Variants in NEO1 observed in about 807,000 individuals in gnomAD.
The protein encoded by NEO1 is neogenin.
A neutral mutation model predicts 159.7 loss-of-function variants in NEO1; 63 were observed. The observed-to-expected ratio is 0.39, with a 90% CI of 0.32 to 0.49. NEO1 has a LOEUF of 0.49. Among genes scored for constraint, NEO1 ranks in the 20% least tolerant of loss-of-function variants. The probability of loss-of-function intolerance (pLI) is 0.85; values close to 1 mark genes in which losing one functional copy is unlikely to be tolerated. For missense variants in NEO1, 1,615 were observed against 1,831.0 expected (o/e 0.88, Z 2.15); for synonymous variants, 633 against 662.0 (o/e 0.96, Z 0.67).
intron 5 of NEO1, among the ~76,000 whole-genome samples, chr15:73,176,187 C>CA (rs1337647692): frequency 6.6e-6 from 1 of 152,054 alleles, no homozygotes; most frequent in Non-Finnish European, 1.5e-5. Context: ...ATCTTTAAAA[C>CA]AGTTAGTTGT....
rs958279602 is a variant in NEO1 at position 73,244,257 on chromosome 15, G to A, written c.1452-87G>A. On this transcript the variant is annotated intron_variant, in intron 8 of 28. Coordinates refer to ENST00000261908, the MANE Select transcript of NEO1 (RefSeq NM_002499.4). ...AGAGCTAATTTGACTTACACTGATA[G>A]ATTTTTATGTGGAGTGGAAAATGAA... 17 of 1,437,614 alleles carry A rather than the reference G, an allele frequency of 1.2e-5. No individual in the cohort carries two copies. The Admixed American group carries it at 2.8e-4, about 23-fold the overall frequency. 89.1% of individuals were successfully genotyped at this position (1,437,614 alleles called of 1,614,324 possible).
chr15:73,097,178 C>G (rs1162860154), intron 1 of NEO1, among the ~76,000 whole-genome samples: 1 of 152,090 alleles, frequency 6.6e-6, no homozygotes, highest in Non-Finnish European at 1.5e-5. Context: ...TGGCTAAATT[C>G]TTAGGACTGA....
At chr15:73,242,289 A>G (rs577224304) in intron 8 of NEO1, among the ~76,000 whole-genome samples, 12 of 152,334 alleles carry the variant, frequency 7.9e-5, no homozygotes, top group African/African-American at 2.9e-4. Flanking sequence ...TAACATCAAC[A>G]GTCTGTTAGT....
rs183715453 is a variant in NEO1 at position 73,078,638 on chromosome 15, C to T, written c.130+25833C>T. On this transcript the variant is annotated intron_variant, in intron 1 of 28. Transcript: ENST00000261908. The stretch of plus-strand genomic sequence containing the variant: ...GTGGCACGGGCAACCGTTGGTTGCA[C>T]AGATACAGTAGATGCTCTATGTTTC... 2.0e-4 allele frequency among the ~76,000 whole-genome samples: 30 copies of T among 152,330 alleles called. 1 individual carries two copies. The East Asian group carries it at 5.0e-3, about 25-fold the overall frequency.
intron 27 of NEO1, among the ~76,000 whole-genome samples, chr15:73,300,725 C>A (rs1050618071): frequency 6.6e-6 from 1 of 151,688 alleles, no homozygotes; most frequent in African/African-American, 2.4e-5. Context: ...GGAGAGACTC[C>A]GTCTCAAAAA....
rs984291172 is a variant in NEO1, at chr15:73,304,039, C to T, written c.*1343C>T. ...GAGACAAGGCAGAGCTGCAGTGCCC[C>T]CTGAGGCTTCCACACATCTTTCTGA... is the stretch of plus-strand genomic sequence containing the variant. On this transcript the variant is annotated 3_prime_UTR_variant, in exon 29 of 29. Coordinates refer to ENST00000261908, the MANE Select transcript of NEO1 (RefSeq NM_002499.4). 7.2e-5 allele frequency: 11 copies of T among 152,246 alleles called. No homozygotes were observed. The highest frequency in any genetic ancestry group is 2.7e-4 in the African/African-American group (11 of 41,448). 9.4% of individuals were successfully genotyped at this position (152,246 alleles called of 1,614,324 possible).
At chr15:73,191,818 A>G (rs1183954373) in intron 7 of NEO1, among the ~76,000 whole-genome samples, 1 of 152,086 alleles carries the variant, frequency 6.6e-6, no homozygotes, top group African/African-American at 2.4e-5. Flanking sequence ...ATAAGAATAC[A>G]TAATTGACTG....
chr15:73,104,876 G>A (rs963288314), intron 1 of NEO1, among the ~76,000 whole-genome samples: 3 of 152,058 alleles, frequency 2.0e-5, no homozygotes, highest in African/African-American at 7.2e-5. Context: ...TAAACAACCA[G>A]GTCTCATGTA....
chr15:73,280,654 T>C (rs751524057), intron 22 of NEO1, among the ~76,000 whole-genome samples: 2 of 152,186 alleles, frequency 1.3e-5, no homozygotes, highest in Non-Finnish European at 2.9e-5. Flanking sequence ...ACCATGGTCT[T>C]TCCCAAATAT....
intron 7 of NEO1, among the ~76,000 whole-genome samples, chr15:73,223,856 T>C (rs878929641): frequency 6.6e-6 from 1 of 152,226 alleles, no homozygotes; most frequent in Admixed American, 6.5e-5. Context: ...TTTTGTTTTT[T>C]GTTTTTGCTT....
chr15:73,192,602 T>C (rs966000613), intron 7 of NEO1, among the ~76,000 whole-genome samples: 1 of 151,952 alleles, frequency 6.6e-6, no homozygotes, highest in Non-Finnish European at 1.5e-5. Context: ...AGTAACCTAA[T>C]TGATCCAACC....
chr15:73,113,573 A>G (rs368184612), intron 1 of NEO1, among the ~76,000 whole-genome samples: 27 of 152,310 alleles, frequency 1.8e-4, no homozygotes, highest in East Asian at 1.5e-3. Context: ...AAGGTAGTTC[A>G]CAGTTTCAAC....
intron 1 of NEO1, among the ~76,000 whole-genome samples, chr15:73,053,158 A>G (rs1030482287): frequency 4.6e-5 from 7 of 152,234 alleles, no homozygotes; most frequent in African/African-American, 1.7e-4. Context: ...AGAGGCCACT[A>G]CACACCTCAT....
chr15:73,159,481 T>C (rs774333755), intron 5 of NEO1, among the ~76,000 whole-genome samples: 1 of 152,200 alleles, frequency 6.6e-6, no homozygotes, highest in Non-Finnish European at 1.5e-5. Context: ...GAAGTCTTCC[T>C]ATACTGAGAC....
At chr15:73,157,393 G>A (rs2033859585) in intron 5 of NEO1, among the ~76,000 whole-genome samples, 1 of 152,226 alleles carries the variant, frequency 6.6e-6, no homozygotes, top group Non-Finnish European at 1.5e-5. Context: ...TACTGTAGCT[G>A]CCTATATCTG....
chr15:73,094,258 A>G (rs1369680268), intron 1 of NEO1, among the ~76,000 whole-genome samples: 2 of 152,148 alleles, frequency 1.3e-5, no homozygotes, highest in Non-Finnish European at 2.9e-5. Flanking sequence ...CCCCGGTCCT[A>G]GATAACACTC....
At chr15:73,235,901 C>T (rs1271504778) in intron 7 of NEO1, among the ~76,000 whole-genome samples, 1 of 152,208 alleles carries the variant, frequency 6.6e-6, no homozygotes, top group Non-Finnish European at 1.5e-5. Flanking sequence ...GAAGTCTTGT[C>T]ATTTGCAAGA....
intron 1 of NEO1, among the ~76,000 whole-genome samples, chr15:73,110,190 G>A: frequency 6.6e-6 from 1 of 152,174 alleles, no homozygotes. Flanking sequence ...CTGACGAGAA[G>A]GGATGGGATG....
intron 1 of NEO1, among the ~76,000 whole-genome samples, chr15:73,061,780 A>G (rs2067991696): frequency 6.6e-6 from 1 of 152,210 alleles, no homozygotes; most frequent in South Asian, 2.1e-4. Context: ...TCTGGTACAT[A>G]TATAACAACA....
Sources: allele counts gnomAD v4.1 joint callset (sites outside exome capture counted in the v4.1 genomes callset), GRCh38; gene constraint gnomAD v4.1.1; transcripts MANE v1.5; gene names NCBI Gene and HGNC (gene_info 2026-07-23, HGNC 2026-07-21).